MACROH2A2: variants seen among roughly 807,000 people sequenced by gnomAD.
MACROH2A2 encodes the protein macroH2A.2 histone.
A neutral mutation model predicts 37.6 loss-of-function variants in MACROH2A2; 6 were observed. The observed-to-expected ratio is 0.16, with a 90% CI of 0.09 to 0.32. The LOEUF is 0.32. Ranked by LOEUF, MACROH2A2 falls within the 10% of genes least tolerant of loss-of-function variation. The pLI is 1.00. For synonymous variants in MACROH2A2, 192 were observed against 202.7 expected, an observed-to-expected ratio of 0.95 and a Z score of 0.45; for missense variants, 290 against 485.9, an observed-to-expected ratio of 0.60 and a Z score of 3.79.
rs751286406 is a variant in MACROH2A2, at chr10:70,075,811, A to C, written c.153A>C (p.Ala51=). 2 of 1,613,416 alleles carry C rather than the reference A, an allele frequency of 1.2e-6. No homozygotes were observed. The highest frequency in any genetic ancestry group is 3.3e-5 in the Admixed American group (2 of 60,008). Residue 51 remains alanine (A), a synonymous_variant, in exon 2 of 9, where the codon GCA becomes GCC. Transcript: ENST00000373255. The surrounding 1 kb of genome is among the most constrained non-coding windows in gnomAD (Gnocchi z 5.0). ...TGGGCGCCCCTGTCTACATGGCGGCAGTCATTGAGTACCTGGCAGGTAATG... is the reference window on the plus strand; with the variant it reads ...TGGGCGCCCCTGTCTACATGGCGGCCGTCATTGAGTACCTGGCAGGTAATG... ...ISVGAPVYMA[A]VIEYLAAEIL...
intron 1 of MACROH2A2, among the ~76,000 whole-genome samples, chr10:70,072,208 T>A (rs559752119): frequency 5.3e-5 from 8 of 152,040 alleles, no homozygotes; most frequent in Non-Finnish European, 8.8e-5. Context: ...CATTTTTCTT[T>A]TTTTATTTTA....
intron 7 of MACROH2A2, among the ~76,000 whole-genome samples, chr10:70,102,459 G>A (rs531337829): frequency 1.8e-4 from 28 of 152,202 alleles, no homozygotes; most frequent in African/African-American, 4.6e-4. Flanking sequence ...TGGCTCATGC[G>A]TGTAATCCCA....
At chr10:70,085,044 C>T (rs965465318) in intron 2 of MACROH2A2, among the ~76,000 whole-genome samples, 2 of 152,116 alleles carry the variant, frequency 1.3e-5, no homozygotes, top group African/African-American at 4.8e-5. Context: ...AGCTTTAACT[C>T]AGGCAATGGC....
intron 2 of MACROH2A2, among the ~76,000 whole-genome samples, chr10:70,084,814 C>T (rs910045359): frequency 6.6e-6 from 1 of 152,140 alleles, no homozygotes; most frequent in Admixed American, 6.5e-5. Context: ...GTTGCCCAGG[C>T]TGGTCTTGAA....
chr10:70,073,043 G>A (rs958677835), intron 1 of MACROH2A2, among the ~76,000 whole-genome samples: 1 of 152,204 alleles, frequency 6.6e-6, no homozygotes, highest in African/African-American at 2.4e-5. Context: ...ACCGTCATAT[G>A]CGGTCATTGT....
intron 1 of MACROH2A2, among the ~76,000 whole-genome samples, chr10:70,061,309 A>G (rs1012748427): frequency 6.6e-6 from 1 of 152,168 alleles, no homozygotes; most frequent in Non-Finnish European, 1.5e-5. Flanking sequence ...AAACTGGTTC[A>G]TTTTCTGGTT....
At chr10:70,095,182 CA>C (rs2072267467) in intron 5 of MACROH2A2, among the ~76,000 whole-genome samples, 1 of 152,120 alleles carries the variant, frequency 6.6e-6, no homozygotes, top group Non-Finnish European at 1.5e-5. Context: ...TCCTGGCTAA[CA>C]CGATGAAACT....
At chr10:70,082,309 C>T (rs959802222) in intron 2 of MACROH2A2, among the ~76,000 whole-genome samples, 12 of 151,456 alleles carry the variant, frequency 7.9e-5, no homozygotes, top group Non-Finnish European at 1.2e-4. Context: ...ATCCAGCTGC[C>T]GGGGAGGCTG....
intron 6 of MACROH2A2, chr10:70,098,733 G>C (rs1251189525): frequency 1.3e-5 from 2 of 152,384 alleles, no homozygotes; most frequent in African/African-American, 4.8e-5. Context: ...GAGTGCTCGT[G>C]CCCGAGGAGG....
chr10:70,094,173 CA>C (rs1447667624), intron 5 of MACROH2A2, among the ~76,000 whole-genome samples: 1 of 152,086 alleles, frequency 6.6e-6, no homozygotes, highest in Non-Finnish European at 1.5e-5. Flanking sequence ...AAAAAAAATC[CA>C]TAGCTAACTT....
chr10:70,101,151 G>T (rs370275388), intron 7 of MACROH2A2, among the ~76,000 whole-genome samples: 1 of 152,144 alleles, frequency 6.6e-6, no homozygotes, highest in South Asian at 2.1e-4. Flanking sequence ...AATGTGTGGC[G>T]GTTGTGAAGG....
Position 70,093,746 on chromosome 10 carries a change from G to A in MACROH2A2, c.489G>A (p.Lys163=). ...ATTTTTACCGACAGTCCAAACCAAA[G>A]GACAGCGATAAAGAAGGAACTTCAA... ...KPRTSKKSKP[K]DSDKEGTSNS... The change falls in exon 5 of 9, where the codon AAG becomes AAA. Residue 163 remains lysine (K), a synonymous_variant. Coordinates refer to ENST00000373255, the MANE Select transcript of MACROH2A2 (RefSeq NM_018649.3). 6.2e-7 allele frequency: 1 copy of A among 1,601,722 alleles called. No homozygotes were observed. Among genetic ancestry groups the A allele is most frequent in the Non-Finnish European group, 8.6e-7 (1 of 1,168,758 alleles).
intron 8 of MACROH2A2, among the ~76,000 whole-genome samples, chr10:70,110,899 C>A (rs1445510896): frequency 6.6e-6 from 1 of 151,546 alleles, no homozygotes; most frequent in Non-Finnish European, 1.5e-5. Context: ...GAAAAAAAAA[C>A]TAATTTAAAA....
rs200578327 is a variant in MACROH2A2, at chr10:70,091,911, G to A, written c.434G>A (p.Gly145Glu). Residue 145 changes from glycine (G) to glutamate (E), a missense_variant, in exon 4 of 9, where the codon GGG becomes GAG. By Grantham distance (98) the Gly-to-Glu change is moderately conservative (BLOSUM62 -2). Transcript: ENST00000373255. ...AGGAAGGCCACGTCAGGCAAGAAGG[G>A]GGGGAAGAAATCCAAGGCTGCCAAA... ...RGRKATSGKK[G>E]GKKSKAAKPR... 3.1e-6 allele frequency: 5 copies of A among 1,613,960 alleles called. No individual in the cohort carries two copies. The highest frequency in any genetic ancestry group is 2.5e-6 in the Non-Finnish European group (3 of 1,180,032).
At chr10:70,078,905 G>A (rs2072156645) in intron 2 of MACROH2A2, among the ~76,000 whole-genome samples, 1 of 152,126 alleles carries the variant, frequency 6.6e-6, no homozygotes, top group Admixed American at 6.6e-5. Flanking sequence ...TTTAGGGAAG[G>A]GGGGTCAAAG....
chr10:70,105,302 T>C (rs1388617917), intron 7 of MACROH2A2, among the ~76,000 whole-genome samples: 2 of 152,202 alleles, frequency 1.3e-5, no homozygotes, highest in Non-Finnish European at 2.9e-5. Context: ...TTGTAGGCCC[T>C]GAACACTCCT....
rs752311136 is a variant in MACROH2A2, at chr10:70,075,844, G to A, written c.172+14G>A. 11 of 1,606,916 alleles carry A rather than the reference G, an allele frequency of 6.8e-6. No individual in the cohort carries two copies. The highest frequency in any genetic ancestry group is 4.0e-5 in the African/African-American group (3 of 74,754). The stretch of plus-strand genomic sequence containing the variant: ...AGTACCTGGCAGGTAATGAGGACAC[G>A]CAAAGGAGGCTGCCTGCTCCCAGGT... On this transcript the variant is annotated intron_variant, in intron 2 of 8. Transcript: ENST00000373255. This position sits in a 1 kb window ranked among gnomAD's most constrained non-coding sequence, Gnocchi z 5.0.
intron 2 of MACROH2A2, among the ~76,000 whole-genome samples, chr10:70,077,216 C>T (rs2072144918): frequency 6.6e-6 from 1 of 152,182 alleles, no homozygotes. Context: ...TGTTGAATAG[C>T]AAGATTGTAG....
rs1229354304 is a variant in MACROH2A2, at chr10:70,112,273, T to C, written c.*590T>C. 6.6e-6 allele frequency: 1 copy of C among 152,222 alleles called. No homozygotes were observed. The highest frequency in any genetic ancestry group is 1.5e-5 in the Non-Finnish European group (1 of 68,036). The allele number at this position is 152,222 out of a possible 1,614,324, so 9.4% of individuals were successfully genotyped here. On this transcript the variant is annotated 3_prime_UTR_variant, in exon 9 of 9. Transcript: ENST00000373255. ...AAAAAAATAAAAGATCCAGTGTCTT[T>C]CTTACAACATATTCTTTTATTGCAA...
Sources: gnomAD v4.1 joint callset for allele counts (sites outside exome capture counted in the v4.1 genomes callset) on GRCh38, gnomAD v4.1.1 for gene constraint, Gnocchi (gnomAD v3.1) non-coding constraint, MANE v1.5 for transcripts, NCBI Gene and HGNC (gene_info 2026-07-23, HGNC 2026-07-21) for gene names.